Variants in HMCN1 observed in about 807,000 individuals in gnomAD.
HMCN1 encodes the protein hemicentin 1.
Under a neutral mutation model 625.9 loss-of-function variants are expected in HMCN1, and 321 were observed. That is an observed-to-expected ratio of 0.51 (90% CI 0.47 to 0.56). HMCN1 has a LOEUF of 0.56. Among genes scored for constraint, HMCN1 ranks in the 20% least tolerant of loss-of-function variants. HMCN1 has a pLI of 0.00. For synonymous variants in HMCN1, 2,425 were observed against 2,417.6 expected, an observed-to-expected ratio of 1.00 and a Z score of -0.09; for missense variants, 6,588 against 6,887.3, an observed-to-expected ratio of 0.96 and a Z score of 1.54.
At chr1:186,061,829 A>C in intron 46 of HMCN1, 22 bp from the exon 47 acceptor site, 1 of 1,529,736 alleles carries the variant, frequency 6.5e-7, no homozygotes, top group South Asian at 1.1e-5. Context: ...AGTTATCTTA[A>C]AAAGATGGTT....
At chr1:185,816,212 T>C (rs1284296583) in intron 1 of HMCN1, among the ~76,000 whole-genome samples, 1 of 152,240 alleles carries the variant, frequency 6.6e-6, no homozygotes, top group Non-Finnish European at 1.5e-5. Context: ...TTATAGGCAG[T>C]TACTGACACA....
chr1:186,061,351 C>T (rs1185858638), intron 46 of HMCN1, among the ~76,000 whole-genome samples: 1 of 152,058 alleles, frequency 6.6e-6, no homozygotes, highest in African/African-American at 2.4e-5. Flanking sequence ...ATGAAACCAT[C>T]AGATCTTATG....
intron 1 of HMCN1, among the ~76,000 whole-genome samples, chr1:185,810,539 T>C (rs1239494411): frequency 6.6e-6 from 1 of 152,160 alleles, no homozygotes; most frequent in Non-Finnish European, 1.5e-5. Context: ...CACATGACAT[T>C]AAGATGAATC....
chr1:186,057,066 C>G (rs547285824), intron 45 of HMCN1, among the ~76,000 whole-genome samples, 168 bp from the exon 46 acceptor site: 6 of 145,884 alleles, frequency 4.1e-5, no homozygotes, highest in East Asian at 4.1e-4. Flanking sequence ...CACACACACA[C>G]AGCTGGTTGT....
At chr1:186,177,031 G>A (rs946333446) in intron 103 of HMCN1, 5 of 146,682 alleles carry the variant, frequency 3.4e-5, no homozygotes, top group South Asian at 2.1e-4. Context: ...TTAGCTGGGC[G>A]TGGTGGGACA....
intron 94 of HMCN1, 55 bp downstream of exon 94, chr1:186,151,404 ATTAC>A (rs1244223749): frequency 9.3e-6 from 14 of 1,510,160 alleles, no homozygotes; most frequent in Non-Finnish European, 1.0e-5. Flanking sequence ...TCTTCATCTT[ATTAC>A]TTCCATTAAA....
chr1:185,901,631 C>A (rs1384349277), intron 4 of HMCN1, among the ~76,000 whole-genome samples: 1 of 151,916 alleles, frequency 6.6e-6, no homozygotes, highest in Admixed American at 6.6e-5. Flanking sequence ...GCCATCAAAA[C>A]AATGATCCAG....
At chr1:185,913,474 C>T (rs1178292713) in intron 6 of HMCN1, among the ~76,000 whole-genome samples, 1 of 152,156 alleles carries the variant, frequency 6.6e-6, no homozygotes, top group African/African-American at 2.4e-5. Flanking sequence ...CGAGTCTCTT[C>T]ATCCCTCAAA....
intron 4 of HMCN1, among the ~76,000 whole-genome samples, chr1:185,869,527 A>G (rs1663476295): frequency 6.6e-6 from 1 of 152,152 alleles, no homozygotes; most frequent in Non-Finnish European, 1.5e-5. Context: ...TTGGAAATAA[A>G]TCTGAGTAGA....
rs1246051411 is a variant in HMCN1 at position 186,117,590 on chromosome 1, C to A, written c.11815C>A (p.Pro3939Thr). The A allele has an allele frequency of 2.5e-6, 4 of 1,613,728 alleles. No individual in the cohort carries two copies. The highest frequency in any genetic ancestry group is 3.4e-6 in the Non-Finnish European group (4 of 1,179,816). The part of the protein sequence containing the change: ...HWTKNGIRLL[P>T]RGDGYRILSS... Reference sequence around the variant, plus strand: ...GACCAAAAATGGTATAAGACTGCTTCCCAGGGGAGATGGCTATAGAATTCT... The same window carrying A: ...GACCAAAAATGGTATAAGACTGCTTACCAGGGGAGATGGCTATAGAATTCT... Residue 3939 changes from proline (P) to threonine (T), a missense_variant, in exon 77 of 107, where the codon CCC becomes ACC. By Grantham distance (38) the Pro-to-Thr change is conservative. This residue lies in a region of HMCN1 where 4,628 missense variants were observed against 4,853.1 expected (regional missense o/e 0.95). Transcript: ENST00000271588.
At chr1:186,183,989 T>G (rs1263023232) in intron 105 of HMCN1, among the ~76,000 whole-genome samples, 1 of 152,126 alleles carries the variant, frequency 6.6e-6, no homozygotes, top group Non-Finnish European at 1.5e-5. Context: ...GAATAACCAC[T>G]CAAAACGCAC....
intron 36 of HMCN1, among the ~76,000 whole-genome samples, chr1:186,033,267 T>G (rs1453924652): frequency 6.6e-6 from 1 of 152,092 alleles, no homozygotes; most frequent in Non-Finnish European, 1.5e-5. Flanking sequence ...GGCATAAGAA[T>G]GATATAATGC....
rs552223342 is a variant in HMCN1 at position 186,038,183 on chromosome 1, G to T, written c.5851+148G>T. ...TGAAACATTGATAAGAATATTATTA[G>T]ATAACATTTTTGAATTTTTGTTGCC... On this transcript the variant is annotated intron_variant, in intron 37 of 106. Coordinates refer to ENST00000271588, the MANE Select transcript of HMCN1 (RefSeq NM_031935.3). 10 of 651,074 alleles carry T rather than the reference G, an allele frequency of 1.5e-5. No homozygotes were observed. In the Admixed American group the frequency reaches 1.5e-4, roughly 10 times the overall value. The allele number at this position is 651,074 out of a possible 1,614,324, so 40.3% of individuals were successfully genotyped here. A position where few individuals can be genotyped will look rare whatever the true frequency, so the allele number is the denominator to read the frequency against.
rs543362627 is a variant in HMCN1, at chr1:186,181,860, C to T, written c.16295-308C>T. Among the ~76,000 whole-genome samples, 85 of 152,156 alleles carry T rather than the reference C, an allele frequency of 5.6e-4. 3 individuals carry two copies. The South Asian group carries it at 0.017, about 31-fold the overall frequency. The stretch of plus-strand genomic sequence containing the variant: ...TTTAGGATCCTGTCTACATTTGTTT[C>T]CTCTGTCATGTCACTCTTACTTAAG... On this transcript the variant is annotated intron_variant, in intron 104 of 106. Coordinates refer to ENST00000271588, the MANE Select transcript of HMCN1 (RefSeq NM_031935.3).
rs1440395027 is a variant in HMCN1 at position 186,111,004 on chromosome 1, G to A, written c.10990-1808G>A. Among the ~76,000 whole-genome samples, 6 of 36,090 alleles carry A rather than the reference G, an allele frequency of 1.7e-4. No individual in the cohort carries two copies. The African/African-American group carries it at 1.7e-3, about 10-fold the overall frequency. The allele number at this position is 36,090 out of a possible 152,430, so 23.7% of individuals were successfully genotyped here. A position where few individuals can be genotyped will look rare whatever the true frequency, so the allele number is the denominator to read the frequency against. ...TTTTTTTTTTTTTTTTTTTTGAGAC[G>A]GAGTCTCGCTCTGTCGCCCAGGTTG... On this transcript the variant is annotated intron_variant, in intron 71 of 106. Transcript: ENST00000271588.
intron 11 of HMCN1, among the ~76,000 whole-genome samples, chr1:185,951,606 C>T (rs1220367986): frequency 3.3e-5 from 5 of 151,538 alleles, no homozygotes; most frequent in Non-Finnish European, 7.4e-5. Flanking sequence ...AGTCAGAGAG[C>T]CTTGGGCCAG....
intron 1 of HMCN1, among the ~76,000 whole-genome samples, chr1:185,738,001 A>G (rs933324207): frequency 2.6e-5 from 4 of 152,172 alleles, no homozygotes; most frequent in African/African-American, 2.4e-5. Flanking sequence ...CTAGCAGCAC[A>G]TGTGTCTAGA....
chr1:185,984,077 C>A (rs1651841953), intron 18 of HMCN1, 92 bp from the exon 19 acceptor site: 13 of 936,880 alleles, frequency 1.4e-5, no homozygotes, highest in Non-Finnish European at 2.2e-5. Flanking sequence ...CTTTTAGTAA[C>A]CCAGTTGGGA....
chr1:185,831,082 C>A (rs1332078005), intron 1 of HMCN1, among the ~76,000 whole-genome samples: 1 of 152,114 alleles, frequency 6.6e-6, no homozygotes, highest in Non-Finnish European at 1.5e-5. Flanking sequence ...ATATTGACAT[C>A]AAAATTTAAT....
Sources: allele counts gnomAD v4.1 joint callset (sites outside exome capture counted in the v4.1 genomes callset), GRCh38; gene constraint gnomAD v4.1.1; regional missense constraint gnomAD v4.1.1; transcripts MANE v1.5; gene names NCBI Gene and HGNC (gene_info 2026-07-23, HGNC 2026-07-21).